The following LYPD6 variants were observed in gnomAD, a reference collection of about 807,000 sequenced individuals.
The protein encoded by LYPD6 is LY6/PLAUR domain containing 6, also known as ly6/PLAUR domain-containing protein 6.
Under a neutral mutation model 22.7 loss-of-function variants are expected in LYPD6, and 15 were observed. The ratio of observed to expected loss-of-function variants is 0.66; its 90% CI spans 0.44 to 1.02. LYPD6 has a LOEUF of 1.02. Ranked by LOEUF, LYPD6 falls within the 50% of genes least tolerant of loss-of-function variation. LYPD6 has a pLI of 0.00. For synonymous variants in LYPD6, 72 were observed against 77.5 expected (o/e 0.93, Z 0.37); for missense variants, 189 against 208.4 (o/e 0.91, Z 0.57).
chr2:149,461,240 C>T (rs1442405292), intron 3 of LYPD6, among the ~76,000 whole-genome samples: 3 of 151,360 alleles, frequency 2.0e-5, no homozygotes, highest in Middle Eastern at 3.2e-3. Context: ...CATTAAGGTA[C>T]TAAGAAAAGG....
chr2:149,398,293 C>T (rs1682470564), intron 1 of LYPD6, among the ~76,000 whole-genome samples: 1 of 151,918 alleles, frequency 6.6e-6, no homozygotes, highest in Non-Finnish European at 1.5e-5. Flanking sequence ...CTATTATTTG[C>T]TTGGCTGTGA....
chr2:149,381,888 T>C (rs188782598), intron 1 of LYPD6, among the ~76,000 whole-genome samples: 132 of 152,340 alleles, frequency 8.7e-4, no homozygotes, highest in Admixed American at 3.6e-3. Context: ...GTTAATATTC[T>C]CTTTTTAAAT....
At chr2:149,430,966 C>A (rs2110977) in intron 1 of LYPD6, among the ~76,000 whole-genome samples, 44,145 of 151,974 alleles carry the variant, frequency 0.29, 8,280 homozygotes, top group African/African-American at 0.54. Flanking sequence ...TCAGAGTGCA[C>A]CTCTTCTCAA....
chr2:149,455,878 A>G (rs1680946441), intron 3 of LYPD6, among the ~76,000 whole-genome samples: 1 of 152,224 alleles, frequency 6.6e-6, no homozygotes, highest in South Asian at 2.1e-4. Flanking sequence ...TGAGAGGTTC[A>G]TTAAGAAATG....
chr2:149,457,948 A>G (rs1006355809), intron 3 of LYPD6, among the ~76,000 whole-genome samples: 1 of 152,178 alleles, frequency 6.6e-6, no homozygotes, highest in Non-Finnish European at 1.5e-5. Flanking sequence ...ACATCCTGCA[A>G]ATGCCATAGG....
At chr2:149,446,147 C>A (rs1006441674) in intron 2 of LYPD6, among the ~76,000 whole-genome samples, 2 of 152,136 alleles carry the variant, frequency 1.3e-5, no homozygotes, top group African/African-American at 4.8e-5. Context: ...AAAACATACA[C>A]ATTTATTCAG....
chr2:149,355,363 G>T (rs1180175477), intron 1 of LYPD6, among the ~76,000 whole-genome samples: 1 of 152,144 alleles, frequency 6.6e-6, no homozygotes, highest in African/African-American at 2.4e-5. Flanking sequence ...CATGAGACAT[G>T]GTCTTCAATT....
chr2:149,377,803 A>T (rs1681962742), intron 1 of LYPD6, among the ~76,000 whole-genome samples: 1 of 63,256 alleles, frequency 1.6e-5, no homozygotes, highest in Non-Finnish European at 3.2e-5. Context: ...ACCCCCCCAA[A>T]AAAGCAAGGG....
intron 1 of LYPD6, among the ~76,000 whole-genome samples, chr2:149,332,346 CAATT>C (rs888481462): frequency 2.1e-4 from 32 of 152,188 alleles, no homozygotes; most frequent in African/African-American, 7.0e-4. Context: ...TTAAGACAGA[CAATT>C]GATGAAGCTA....
At chr2:149,421,299 A>G (rs911373209) in intron 1 of LYPD6, among the ~76,000 whole-genome samples, 3 of 150,914 alleles carry the variant, frequency 2.0e-5, no homozygotes, top group African/African-American at 7.3e-5. Context: ...CTGAGGCAAG[A>G]GAATTGCTTG....
At chr2:149,408,292 G>T (rs1385925546) in intron 1 of LYPD6, among the ~76,000 whole-genome samples, 8 of 152,094 alleles carry the variant, frequency 5.3e-5, no homozygotes, top group Admixed American at 5.2e-4. Context: ...TTTTCAATAT[G>T]TTTTTCTTTA....
chr2:149,428,565 C>A (rs962673294), intron 1 of LYPD6, among the ~76,000 whole-genome samples: 7 of 152,116 alleles, frequency 4.6e-5, no homozygotes, highest in African/African-American at 1.7e-4. Context: ...TTTATTTTTC[C>A]ATTCTCACTT....
downstream of LYPD6, among the ~76,000 whole-genome samples, chr2:149,477,715 A>G (rs1266959981): frequency 6.6e-6 from 1 of 151,458 alleles, no homozygotes; most frequent in African/African-American, 2.4e-5. Flanking sequence ...TGTTTCAGCC[A>G]GGTTATATCT....
At chr2:149,414,992 C>T (rs1198719227) in intron 1 of LYPD6, among the ~76,000 whole-genome samples, 2 of 152,170 alleles carry the variant, frequency 1.3e-5, no homozygotes, top group Admixed American at 6.5e-5. Context: ...AATAAAAGTA[C>T]AGACTTCTGA....
chr2:149,427,355 G>T (rs909809721), intron 1 of LYPD6, among the ~76,000 whole-genome samples: 7 of 152,138 alleles, frequency 4.6e-5, no homozygotes, highest in African/African-American at 1.7e-4. Context: ...AGAGTTTAAT[G>T]AAAGACACTA....
Position 149,468,182 on chromosome 2 carries a change from C to CACACACACACACAT in LYPD6, c.218-457_218-456insACACACATACACAC, listed in dbSNP as rs1344504517. ...ACACACACACACACACACACACACA[C>CACACACACACACAT]ACACACCAGCCACTGCTGTAGTGTT... On this transcript the variant is annotated intron_variant, in intron 3 of 4. Coordinates refer to ENST00000334166, the MANE Select transcript of LYPD6 (RefSeq NM_194317.5). Among the ~76,000 whole-genome samples, 6 of 147,176 alleles carry CACACACACACACAT rather than the reference C, an allele frequency of 4.1e-5. 1 individual carries two copies. The highest frequency in any genetic ancestry group is 1.3e-4 in the African/African-American group (5 of 39,604).
intron 1 of LYPD6, among the ~76,000 whole-genome samples, chr2:149,374,833 T>C (rs533530366): frequency 2.0e-5 from 3 of 152,342 alleles, no homozygotes; most frequent in South Asian, 2.1e-4. Context: ...CAATATGATA[T>C]TATAATACAA....
chr2:149,377,627 A>G (rs958536294), intron 1 of LYPD6, among the ~76,000 whole-genome samples: 2 of 152,170 alleles, frequency 1.3e-5, no homozygotes, highest in Non-Finnish European at 2.9e-5. Context: ...TACAAATACA[A>G]AAGTTAGCCC....
chr2:149,387,142 T>C (rs527440268), intron 1 of LYPD6, among the ~76,000 whole-genome samples: 18 of 152,332 alleles, frequency 1.2e-4, no homozygotes, highest in Non-Finnish European at 2.5e-4. Flanking sequence ...GCCAGCCTCT[T>C]CCTTAGTTTG....
Sources: allele counts gnomAD v4.1 joint callset (sites outside exome capture counted in the v4.1 genomes callset), GRCh38; gene constraint gnomAD v4.1.1; transcripts MANE v1.5; gene names NCBI Gene and HGNC (gene_info 2026-07-23, HGNC 2026-07-21).